CPNE6: variants seen among roughly 807,000 people sequenced by gnomAD.
CPNE6 encodes copine 6, also known as copine-6.
CPNE6 carries 33 observed loss-of-function variants against 71.5 expected under a neutral mutation model. The ratio of observed to expected loss-of-function variants is 0.46; its 90% CI spans 0.35 to 0.62. The LOEUF (loss-of-function observed/expected upper bound fraction) is 0.62. Ranked by LOEUF, CPNE6 falls within the 20% of genes least tolerant of loss-of-function variation. The probability of loss-of-function intolerance (pLI) is 0.00; values close to 1 mark genes in which losing one functional copy is unlikely to be tolerated. For synonymous variants in CPNE6, 296 were observed against 293.0 expected (o/e 1.01, Z -0.10); for missense variants, 576 against 747.3 (o/e 0.77, Z 2.67).
intron 1 of CPNE6, chr14:24,071,184 TC>T: frequency 9.9e-7 from 1 of 1,013,000 alleles, no homozygotes; most frequent in Non-Finnish European, 1.4e-6. Flanking sequence ...TGTCGTGGTG[TC>T]ACAGTGAGTT....
exon 14 of CPNE6, chr14:24,076,536 C>T: frequency 1.9e-6 from 3 of 1,614,124 alleles, no homozygotes; most frequent in Non-Finnish European, 2.5e-6. Flanking sequence ...CAACTTTGAC[C>T]CGGAAAATCC....
Position 24,075,210 on chromosome 14 carries a change from C to T in CPNE6, c.711C>T (p.Asp237=). Reference sequence around the variant, plus strand: ...ACTATGACTCCAGTGGGAAGCATGACTTCATCGGCGAGTTCACCAGCACTT... The same window carrying T: ...ACTATGACTCCAGTGGGAAGCATGATTTCATCGGCGAGTTCACCAGCACTT... Residue 237 remains aspartate (D), a synonymous_variant, in exon 9 of 18, where the codon GAC becomes GAT. Transcript: ENST00000397016. The surrounding 1 kb of genome is among the most constrained non-coding windows in gnomAD (Gnocchi z 4.3). 6.2e-7 allele frequency: 1 copy of T among 1,614,100 alleles called. No individual in the cohort carries two copies.
Position 24,075,796 on chromosome 14 carries a change from C to T in CPNE6, c.865-31C>T, listed in dbSNP as rs368447636. ...CTCCCTCCTCAAAGGACCACCCCAT[C>T]CCCTCGCCTTACCCCTCTCCCTACC... On this transcript the variant is annotated intron_variant, in intron 10 of 17. Coordinates refer to ENST00000397016, the Ensembl canonical transcript of CPNE6. This position sits in a 1 kb window ranked among gnomAD's most constrained non-coding sequence, Gnocchi z 4.3. 1.6e-4 allele frequency: 263 copies of T among 1,604,856 alleles called. 1 individual carries two copies. Among genetic ancestry groups the T allele is most frequent in the Non-Finnish European group, 2.2e-4 (253 of 1,171,770 alleles).
chr14:24,073,958 C>A lies in CPNE6; in HGVS notation c.349-93C>A. The A allele has an allele frequency of 8.2e-7, 1 of 1,216,968 alleles. No individual in the cohort carries two copies. The highest frequency in any genetic ancestry group is 1.2e-6 in the Non-Finnish European group (1 of 822,344). The allele number at this position is 1,216,968 out of a possible 1,614,324, so 75.4% of individuals were successfully genotyped here. On this transcript the variant is annotated intron_variant, in intron 4 of 17. Coordinates refer to ENST00000397016, the Ensembl canonical transcript of CPNE6. The surrounding 1 kb of genome is among the most constrained non-coding windows in gnomAD (Gnocchi z 5.5). ...GCCCAACTCAAAGTGCCAACCCTTG[C>A]AGACACTCAGAGCATTTATTATTCC...
rs2036011529 is a variant in CPNE6 at position 24,074,922 on chromosome 14, A to G, written c.672+127A>G. 1 of 810,362 alleles carries G rather than the reference A, an allele frequency of 1.2e-6. No homozygotes were observed. Among genetic ancestry groups the G allele is most frequent in the Admixed American group, 2.1e-5 (1 of 47,270 alleles). 50.2% of individuals were successfully genotyped at this position (810,362 alleles called of 1,614,324 possible). A position where few individuals can be genotyped will look rare whatever the true frequency, so the allele number is the denominator to read the frequency against. ...GATAATCACATCCCACTGTGGGATAAATAATAGGTCACAGCTCAATGTTAA... is the reference window on the plus strand; with the variant it reads ...GATAATCACATCCCACTGTGGGATAGATAATAGGTCACAGCTCAATGTTAA... On this transcript the variant is annotated intron_variant, in intron 8 of 17. Transcript: ENST00000397016. The surrounding 1 kb of genome is among the most constrained non-coding windows in gnomAD (Gnocchi z 4.5).
rs375102270 is a variant in CPNE6 at position 24,075,802 on chromosome 14, G to C, written c.865-25G>C. ...CCTCAAAGGACCACCCCATCCCCTCGCCTTACCCCTCTCCCTACCTCCAGG... is the reference window on the plus strand; with the variant it reads ...CCTCAAAGGACCACCCCATCCCCTCCCCTTACCCCTCTCCCTACCTCCAGG... On this transcript the variant is annotated intron_variant, in intron 10 of 17. Transcript: ENST00000397016. The surrounding 1 kb of genome is among the most constrained non-coding windows in gnomAD (Gnocchi z 4.3). 6.2e-7 allele frequency: 1 copy of C among 1,611,226 alleles called. No individual in the cohort carries two copies. Among genetic ancestry groups the C allele is most frequent in the Middle Eastern group, 1.7e-4 (1 of 6,054 alleles).
rs370812308 is a variant in CPNE6, at chr14:24,077,310, G to C, written c.1456G>C (p.Asp486His). ...TGACATGCGGCTGCTGGATGGCGAC[G>C]ACGGCCCCTTGCGCTGCCCCCGAGG... The change falls in exon 16 of 18, where the codon GAC becomes CAC. Residue 486 changes from aspartate to histidine, a missense_variant. Around this residue, in one of 4 missense-constraint regions of CPNE6, gnomAD observed 264 missense variants for 339.9 expected, o/e 0.78. Transcript: ENST00000397016. This position sits in a 1 kb window ranked among gnomAD's most constrained non-coding sequence, Gnocchi z 6.1. 1.2e-6 allele frequency: 2 copies of C among 1,613,866 alleles called. No individual in the cohort carries two copies. The highest frequency in any genetic ancestry group is 2.2e-5 in the South Asian group (2 of 91,076).
chr14:24,071,504 C>A (rs1166941286), intron 1 of CPNE6, 58 bp from the exon 1 acceptor site: 21 of 846,624 alleles, frequency 2.5e-5, no homozygotes, highest in Middle Eastern at 4.4e-4. Flanking sequence ...GTGCTGCGCC[C>A]CCCCCCACCC....
chr14:24,072,052 ACCCTG>A (rs1441515944), intron 2 of CPNE6: 2 of 188,414 alleles, frequency 1.1e-5, no homozygotes, highest in Non-Finnish European at 2.2e-5. Context: ...AGACAGCCTC[ACCCTG>A]AGATCTGTAC....
In CPNE6 at chr14:24,074,880, C is replaced by A; in HGVS notation, c.672+85C>A. The A allele has an allele frequency of 9.3e-7, 1 of 1,072,526 alleles. No homozygotes were observed. The highest frequency in any genetic ancestry group is 1.4e-6 in the Non-Finnish European group (1 of 713,662). The allele number at this position is 1,072,526 out of a possible 1,614,324, so 66.4% of individuals were successfully genotyped here. A position where few individuals can be genotyped will look rare whatever the true frequency, so the allele number is the denominator to read the frequency against. ...CTTTCCCCTGCATGTGGCAAGCCTC[C>A]CTCCTCTCCCCCAAGTGATAATCAC... On this transcript the variant is annotated intron_variant, in intron 8 of 17. Coordinates refer to ENST00000397016, the Ensembl canonical transcript of CPNE6. The surrounding 1 kb of genome is among the most constrained non-coding windows in gnomAD (Gnocchi z 4.5).
intron 1 of CPNE6, 61 bp from the exon 1 acceptor site, chr14:24,071,501 G>GGGGCCCCCCCCCCCC: frequency 6.8e-5 from 96 of 1,416,618 alleles, no homozygotes; most frequent in Non-Finnish European, 8.3e-5. Flanking sequence ...CTGGTGCTGC[G>GGGGCCCCCCCCCCCC]CCCCCCCCCA....
Position 24,074,912 on chromosome 14 carries a change from C to G in CPNE6, c.672+117C>G. 1 of 856,342 alleles carries G rather than the reference C, an allele frequency of 1.2e-6. No individual in the cohort carries two copies. The highest frequency in any genetic ancestry group is 1.9e-6 in the Non-Finnish European group (1 of 528,030). 53.0% of individuals were successfully genotyped at this position (856,342 alleles called of 1,614,324 possible). ...TCCCCCAAGTGATAATCACATCCCA[C>G]TGTGGGATAAATAATAGGTCACAGC... On this transcript the variant is annotated intron_variant, in intron 8 of 17. Coordinates refer to ENST00000397016, the Ensembl canonical transcript of CPNE6. The surrounding 1 kb of genome is among the most constrained non-coding windows in gnomAD (Gnocchi z 4.5).
At chr14:24,071,501 G>GGGCCCCCC in intron 1 of CPNE6, 61 bp from the exon 1 acceptor site, 27 of 1,416,670 alleles carry the variant, frequency 1.9e-5, no homozygotes, top group Non-Finnish European at 2.5e-5. Context: ...CTGGTGCTGC[G>GGGCCCCCC]CCCCCCCCCA....
rs376212839 is a variant in CPNE6 at position 24,077,195 on chromosome 14, C to T, written c.1341C>T (p.Ser447=). The T allele has an allele frequency of 3.0e-5, 48 of 1,609,424 alleles. No individual in the cohort carries two copies. The highest frequency in any genetic ancestry group is 2.0e-4 in the Admixed American group (12 of 60,016). Residue 447 remains serine, a synonymous_variant, in exon 16 of 18, where the codon AGC becomes AGT. Transcript: ENST00000397016. The surrounding 1 kb of genome is among the most constrained non-coding windows in gnomAD (Gnocchi z 6.1). ...TGGTGCTCACTGACGGTGTGGTGAG[C>T]GACATGGCTGAGACTCGCACTGCTA... is the stretch of plus-strand genomic sequence containing the variant.
chr14:24,073,794 C>T lies in CPNE6; in HGVS notation c.348+116C>T. The stretch of plus-strand genomic sequence containing the variant: ...GCTAGTTCAACCCAGCCTTGGCTCC[C>T]ATCTCTGCCATTCACTAGCTGTGCA... On this transcript the variant is annotated intron_variant, in intron 4 of 17. Transcript: ENST00000397016. This position sits in a 1 kb window ranked among gnomAD's most constrained non-coding sequence, Gnocchi z 5.5. 2.7e-6 allele frequency: 3 copies of T among 1,100,728 alleles called. No homozygotes were observed. The highest frequency in any genetic ancestry group is 3.9e-6 in the Non-Finnish European group (3 of 769,324). 68.2% of individuals were successfully genotyped at this position (1,100,728 alleles called of 1,614,324 possible). A position where few individuals can be genotyped will look rare whatever the true frequency, so the allele number is the denominator to read the frequency against.
intron 1 of CPNE6, 49 bp from the exon 1 acceptor site, chr14:24,071,513 C>G: frequency 1.3e-6 from 2 of 1,503,506 alleles, no homozygotes; most frequent in East Asian, 5.0e-5. Flanking sequence ...CCCCCCCCAC[C>G]CCTCCCCATC....
intron 14 of CPNE6, 92 bp downstream of exon 13, chr14:24,076,649 C>A (rs1413229018): frequency 6.5e-7 from 1 of 1,546,702 alleles, no homozygotes; most frequent in South Asian, 1.1e-5. Context: ...AGCTTCCTGT[C>A]CCTTCCACCC....
chr14:24,075,468 T>G lies in CPNE6; in HGVS notation c.778-37T>G, dbSNP rs758679803. ...GAAGGGAGAAAGAGGGGTCACCTGATGGACTTGTGACCCTGAGCTTGTGGG... is the reference window on the plus strand; with the variant it reads ...GAAGGGAGAAAGAGGGGTCACCTGAGGGACTTGTGACCCTGAGCTTGTGGG... On this transcript the variant is annotated intron_variant, in intron 9 of 17. Coordinates refer to ENST00000397016, the Ensembl canonical transcript of CPNE6. This position sits in a 1 kb window ranked among gnomAD's most constrained non-coding sequence, Gnocchi z 4.3. The G allele has an allele frequency of 2.5e-6, 4 of 1,574,038 alleles. No homozygotes were observed. The highest frequency in any genetic ancestry group is 3.5e-6 in the Non-Finnish European group (4 of 1,149,086).
chr14:24,071,549 C>G lies in CPNE6; in HGVS notation c.-97C>G, dbSNP rs761865096. On this transcript the variant is annotated 5_prime_UTR_variant, in exon 2 of 18. Transcript: ENST00000397016. Reference sequence around the variant, plus strand: ...CAGGCCCCATAAATAGCAGCAGAGCCGGAGCTGGAGCCGGCGCCAGCGGCT... The same window carrying G: ...CAGGCCCCATAAATAGCAGCAGAGCGGGAGCTGGAGCCGGCGCCAGCGGCT... The G allele has an allele frequency of 6.7e-7, 1 of 1,496,994 alleles. No individual in the cohort carries two copies. The highest frequency in any genetic ancestry group is 2.5e-5 in the East Asian group (1 of 39,970). 92.7% of individuals were successfully genotyped at this position (1,496,994 alleles called of 1,614,324 possible). A position where few individuals can be genotyped will look rare whatever the true frequency, so the allele number is the denominator to read the frequency against.
Sources: allele counts gnomAD v4.1 joint callset, GRCh38; gene constraint gnomAD v4.1.1; regional missense constraint gnomAD v4.1.1; non-coding constraint Gnocchi (gnomAD v3.1); transcripts MANE v1.5; gene names NCBI Gene and HGNC (gene_info 2026-07-23, HGNC 2026-07-21).